Variants in NEXN observed in about 807,000 individuals in gnomAD.
NEXN encodes nexilin.
In NEXN, 65 loss-of-function variants were observed where a neutral mutation model predicts 92.6. The ratio of observed to expected loss-of-function variants is 0.70; its 90% confidence interval spans 0.57 to 0.86. The LOEUF is 0.86. Ranked by LOEUF, NEXN falls within the 40% of genes least tolerant of loss-of-function variation. The probability of loss-of-function intolerance (pLI) is 0.00; values close to 1 mark genes in which losing one functional copy is unlikely to be tolerated. For missense variants in NEXN, 778 were observed against 771.1 expected, an observed-to-expected ratio of 1.01 and a Z score of -0.11; for synonymous variants, 254 against 242.5, an observed-to-expected ratio of 1.05 and a Z score of -0.44.
intron 9 of NEXN, 158 bp from the exon 10 acceptor site, chr1:77,933,124 G>A (rs978776555): frequency 1.1e-5 from 6 of 551,180 alleles, no homozygotes; most frequent in African/African-American, 9.5e-5. Flanking sequence ...TCACATCATT[G>A]CACTCCAGCC....
chr1:77,940,299 C>CT (rs1414371450), intron 11 of NEXN, among the ~76,000 whole-genome samples: 4 of 152,130 alleles, frequency 2.6e-5, no homozygotes, highest in Non-Finnish European at 5.9e-5. Flanking sequence ...AATACACTGC[C>CT]TAACTGCTGA....
chr1:77,939,947 G>A (rs1651118421), intron 11 of NEXN, among the ~76,000 whole-genome samples: 1 of 152,090 alleles, frequency 6.6e-6, no homozygotes, highest in Non-Finnish European at 1.5e-5. Flanking sequence ...GGTGGCAGAC[G>A]CCTATAATCC....
At chr1:77,917,903 A>G in intron 3 of NEXN, 57 bp from the exon 4 acceptor site, 1 of 1,498,558 alleles carries the variant, frequency 6.7e-7, no homozygotes, top group Non-Finnish European at 9.3e-7. Flanking sequence ...TCTGCATATA[A>G]TGTGATTTAG....
At chr1:77,901,743 G>A (rs182405588) in intron 1 of NEXN, among the ~76,000 whole-genome samples, 3 of 152,200 alleles carry the variant, frequency 2.0e-5, no homozygotes, top group African/African-American at 4.8e-5. Flanking sequence ...CTTTCTTTTT[G>A]TGGGGGGATT....
At chr1:77,891,276 C>G (rs1647099427) in intron 1 of NEXN, among the ~76,000 whole-genome samples, 4 of 152,048 alleles carry the variant, frequency 2.6e-5, no homozygotes, top group Admixed American at 2.6e-4. Context: ...GAAAAAGGGG[C>G]TCTTGTAATC....
chr1:77,898,248 T>G (rs1647395138), intron 1 of NEXN, among the ~76,000 whole-genome samples: 1 of 152,220 alleles, frequency 6.6e-6, no homozygotes, highest in Non-Finnish European at 1.5e-5. Context: ...TCACGCTACC[T>G]GACTTCAAAC....
rs866196777 is a variant in NEXN at position 77,917,116 on chromosome 1, C to G, written c.28-450C>G. The stretch of plus-strand genomic sequence containing the variant: ...GGAAGGGGGTAAAATGTGAATTAGG[C>G]TCAAACTTTAAAGCCTAAACTTTTG... On this transcript the variant is annotated intron_variant, in intron 2 of 12. Transcript: ENST00000334785. Among the ~76,000 whole-genome samples, 49 of 152,258 alleles carry G rather than the reference C, an allele frequency of 3.2e-4. 1 individual carries two copies. Among genetic ancestry groups the G allele is most frequent in the African/African-American group, 1.1e-3 (47 of 41,562 alleles).
Position 77,918,236 on chromosome 1 carries a change from G to C in NEXN, c.410G>C (p.Arg137Thr). 6.2e-7 allele frequency: 1 copy of C among 1,614,080 alleles called. No homozygotes were observed. The highest frequency in any genetic ancestry group is 1.1e-5 in the South Asian group (1 of 91,080). The stretch of plus-strand genomic sequence containing the variant: ...ATTGAGCAGGATATGTTAGAAAAGA[G>C]GAAAATACAGCGTGAATTAGCAAAA... ...RRIEQDMLEKRKIQRELAKRA... is the reference protein window; with the variant it reads ...RRIEQDMLEKTKIQRELAKRA... The change falls in exon 5 of 13, where the codon AGG (arginine) becomes ACG (threonine). Residue 137 changes from arginine (R) to threonine (T), a missense_variant. By Grantham distance (71) the Arg-to-Thr change is moderately conservative (BLOSUM62 -1). This residue lies in a region of NEXN where 236 missense variants were observed against 265.6 expected (regional missense o/e 0.89). Transcript: ENST00000334785.
At chr1:77,910,282 G>C (rs2102069923) in intron 1 of NEXN, among the ~76,000 whole-genome samples, 1 of 152,280 alleles carries the variant, frequency 6.6e-6, no homozygotes, top group Non-Finnish European at 1.5e-5. Context: ...AAAGATATCT[G>C]CTCTTACCAC....
chr1:77,914,869 A>G (rs977169534), intron 1 of NEXN, among the ~76,000 whole-genome samples: 1 of 152,106 alleles, frequency 6.6e-6, no homozygotes, highest in African/African-American at 2.4e-5. Context: ...AAAAAAAAAA[A>G]AAAGAAAACC....
At position 77,903,666 on chromosome 1, in the gene NEXN, T is replaced by C. The variant is rs188069340; in HGVS notation, c.-52-12389T>C. On this transcript the variant is annotated intron_variant, in intron 1 of 12. Transcript: ENST00000334785. ...AAATAAAGCAGCAAAATTAAGTTTA[T>C]AGACTGGTAACTGAAATGTTGACTA... Among the ~76,000 whole-genome samples the C allele has an allele frequency of 2.7e-3, 404 of 152,294 alleles. 8 individuals carry two copies. Among genetic ancestry groups the C allele is most frequent in the South Asian group, 1.5e-3 (7 of 4,826 alleles).
intron 10 of NEXN, among the ~76,000 whole-genome samples, chr1:77,934,024 T>TTTTTTTTG (rs1650534784): frequency 6.8e-6 from 1 of 147,860 alleles, no homozygotes; most frequent in South Asian, 2.2e-4. Context: ...TTTTTTTTTT[T>TTTTTTTTG]TTTGAGATGG....
intron 10 of NEXN, among the ~76,000 whole-genome samples, chr1:77,935,407 T>A (rs1270968676): frequency 6.6e-6 from 1 of 152,200 alleles, no homozygotes; most frequent in East Asian, 1.9e-4. Context: ...AAAAAGCTAA[T>A]CTTGTCATGA....
chr1:77,905,464 G>T (rs1371491205), intron 1 of NEXN, among the ~76,000 whole-genome samples: 1 of 152,114 alleles, frequency 6.6e-6, no homozygotes, highest in Non-Finnish European at 1.5e-5. Context: ...GCTAAGGTGG[G>T]AGGATCACTT....
chr1:77,933,505 TC>T, intron 10 of NEXN, 26 bp downstream of exon 10: 1 of 1,452,118 alleles, frequency 6.9e-7, no homozygotes, highest in Non-Finnish European at 9.6e-7. Context: ...ATATCTATAT[TC>T]CCCATATTTA....
intron 1 of NEXN, among the ~76,000 whole-genome samples, chr1:77,911,239 G>A (rs1648554365): frequency 2.0e-5 from 3 of 152,094 alleles, no homozygotes; most frequent in South Asian, 4.1e-4. Context: ...CTGACATGAC[G>A]TCACAAGTGG....
At chr1:77,940,090 A>G (rs1651133596) in intron 11 of NEXN, among the ~76,000 whole-genome samples, 1 of 152,196 alleles carries the variant, frequency 6.6e-6, no homozygotes, top group Non-Finnish European at 1.5e-5. Context: ...TGTGTCTTCA[A>G]AATGTTTATA....
At chr1:77,927,002 T>G in intron 8 of NEXN, 110 bp downstream of exon 8, 1 of 1,352,298 alleles carries the variant, frequency 7.4e-7, no homozygotes, top group Non-Finnish European at 1.0e-6. Flanking sequence ...AGGGCTGATT[T>G]TCTAATTGTA....
chr1:77,893,902 A>G (rs1251269223), intron 1 of NEXN, among the ~76,000 whole-genome samples: 1 of 151,008 alleles, frequency 6.6e-6, no homozygotes, highest in Non-Finnish European at 1.5e-5. Flanking sequence ...ATCTCGTCTT[A>G]GTGCAATCTC....
Sources: allele counts gnomAD v4.1 joint callset (sites outside exome capture counted in the v4.1 genomes callset), GRCh38; gene constraint gnomAD v4.1.1; regional missense constraint gnomAD v4.1.1; transcripts MANE v1.5; gene names NCBI Gene and HGNC (gene_info 2026-07-23, HGNC 2026-07-21).